PELI2: variants seen among roughly 807,000 people sequenced by gnomAD.
PELI2 encodes pellino E3 ubiquitin protein ligase family member 2.
PELI2 carries 23 observed loss-of-function variants against 42.3 expected under a neutral mutation model. The ratio of observed to expected loss-of-function variants is 0.54; its 90% confidence interval spans 0.39 to 0.77. PELI2 has a LOEUF of 0.77. Among genes scored for constraint, PELI2 ranks in the 30% least tolerant of loss-of-function variants. The pLI is 0.00. For missense variants in PELI2, 463 were observed against 553.2 expected, an observed-to-expected ratio of 0.84 and a Z score of 1.64; for synonymous variants, 245 against 212.2, an observed-to-expected ratio of 1.15 and a Z score of -1.34.
At chr14:56,169,278 T>TG (rs1405543083) in intron 1 of PELI2, among the ~76,000 whole-genome samples, 2 of 152,284 alleles carry the variant, frequency 1.3e-5, no homozygotes, top group East Asian at 3.9e-4. Flanking sequence ...ACCTAAGAGA[T>TG]GCAGTCCTTC....
At chr14:56,201,287 A>AAGATAT (rs769536693) in intron 2 of PELI2, among the ~76,000 whole-genome samples, 1 of 152,206 alleles carries the variant, frequency 6.6e-6, no homozygotes, top group African/African-American at 2.4e-5. Flanking sequence ...AGAAATGCAA[A>AAGATAT]AGATATAGAT....
In PELI2 at chr14:56,301,144, G is replaced by T. The variant is rs1215670294; in HGVS notation, c.*3978G>T. The T allele has an allele frequency of 1.3e-5, 2 of 152,566 alleles. No homozygotes were observed. Among genetic ancestry groups the T allele is most frequent in the African/African-American group, 4.8e-5 (2 of 41,414 alleles). The allele number at this position is 152,566 out of a possible 1,614,324, so 9.5% of individuals were successfully genotyped here. ...GGGATGGTCACATTTACCATGTATT[G>T]TGTTATTAGCAGTTAAATTTTATGA... On this transcript the variant is annotated 3_prime_UTR_variant, in exon 6 of 6. Transcript: ENST00000267460.
At chr14:56,294,098 C>T (rs1889923823) in intron 5 of PELI2, among the ~76,000 whole-genome samples, 1 of 152,194 alleles carries the variant, frequency 6.6e-6, no homozygotes, top group South Asian at 2.1e-4. Context: ...TGAAAGGAGT[C>T]ACAGTGTATG....
intron 1 of PELI2, among the ~76,000 whole-genome samples, chr14:56,160,305 A>C (rs982235425): frequency 3.3e-5 from 5 of 152,176 alleles, no homozygotes; most frequent in Admixed American, 6.5e-5. Context: ...TTTATGAGGC[A>C]GGAAACAGAC....
chr14:56,153,248 T>G (rs1884428038), intron 1 of PELI2, among the ~76,000 whole-genome samples: 1 of 152,238 alleles, frequency 6.6e-6, no homozygotes, highest in South Asian at 2.1e-4. Context: ...ATTGGTTTGT[T>G]ATTGGCTATA....
intron 2 of PELI2, among the ~76,000 whole-genome samples, chr14:56,232,103 C>A (rs1685807): frequency 1.3e-5 from 2 of 151,680 alleles, no homozygotes; most frequent in African/African-American, 4.8e-5. Flanking sequence ...GCTCTGAAAT[C>A]GTGGCAATAA....
At chr14:56,146,212 T>C (rs955475664) in intron 1 of PELI2, among the ~76,000 whole-genome samples, 4 of 152,116 alleles carry the variant, frequency 2.6e-5, no homozygotes, top group African/African-American at 9.7e-5. Context: ...TTTCATTTGG[T>C]CTCCTGTTGC....
chr14:56,270,658 A>G (rs1219893581), intron 2 of PELI2, among the ~76,000 whole-genome samples: 2 of 152,252 alleles, frequency 1.3e-5, no homozygotes, highest in Non-Finnish European at 2.9e-5. Context: ...ACTGCTCTAA[A>G]TACAGGTTCA....
intron 2 of PELI2, among the ~76,000 whole-genome samples, chr14:56,266,553 A>G (rs1888913777): frequency 6.6e-6 from 1 of 152,092 alleles, no homozygotes; most frequent in Admixed American, 6.6e-5. Context: ...TTCACATATC[A>G]GAAGGTAAAG....
intron 2 of PELI2, among the ~76,000 whole-genome samples, chr14:56,239,713 T>C (rs1208216090): frequency 2.6e-5 from 4 of 152,118 alleles, no homozygotes; most frequent in Admixed American, 2.6e-4. Flanking sequence ...CCAAGCCCCG[T>C]GCACTTGTGA....
intron 5 of PELI2, 21 bp from the exon 6 acceptor site, chr14:56,296,579 T>C (rs1594724507): frequency 2.6e-6 from 4 of 1,525,814 alleles, no homozygotes; most frequent in East Asian, 2.3e-5. Context: ...TTAAAAGGCA[T>C]GTGTCTCAAA....
At chr14:56,161,546 T>G (rs1174877818) in intron 1 of PELI2, among the ~76,000 whole-genome samples, 1 of 152,164 alleles carries the variant, frequency 6.6e-6, no homozygotes, top group African/African-American at 2.4e-5. Flanking sequence ...GTGCTGGGAT[T>G]ACAGGCGTGA....
intron 2 of PELI2, among the ~76,000 whole-genome samples, chr14:56,223,228 C>G (rs947522041): frequency 1.3e-5 from 2 of 152,158 alleles, no homozygotes; most frequent in African/African-American, 4.8e-5. Flanking sequence ...TTTCCTTAAC[C>G]GTAACTCCCT....
At chr14:56,281,858 G>A (rs1411897202) in intron 3 of PELI2, among the ~76,000 whole-genome samples, 2 of 152,074 alleles carry the variant, frequency 1.3e-5, no homozygotes, top group Admixed American at 1.3e-4. Flanking sequence ...AAACCACATA[G>A]AGATACCACT....
chr14:56,251,937 C>T (rs940942287), intron 2 of PELI2, among the ~76,000 whole-genome samples: 1 of 151,882 alleles, frequency 6.6e-6, no homozygotes. Flanking sequence ...ACGTATACAC[C>T]GTAATTCTTT....
intron 2 of PELI2, among the ~76,000 whole-genome samples, chr14:56,198,010 A>ACACACC (rs772024884): frequency 0.016 from 1,797 of 114,472 alleles, 33 homozygotes; most frequent in African/African-American, 0.038. Context: ...ACACACACAC[A>ACACACC]CACCCACCTC....
chr14:56,121,525 C>T (rs562553327), intron 1 of PELI2, among the ~76,000 whole-genome samples: 1 of 152,290 alleles, frequency 6.6e-6, no homozygotes, highest in South Asian at 2.1e-4. Flanking sequence ...GTTGTGTCCA[C>T]TACTTAACTG....
intron 1 of PELI2, among the ~76,000 whole-genome samples, chr14:56,153,401 TAGAGAG>T (rs1420289396): frequency 6.6e-6 from 1 of 152,130 alleles, no homozygotes; most frequent in African/African-American, 2.4e-5. Context: ...CCTGTTCAGC[TAGAGAG>T]AAAGTAGCAA....
Position 56,279,882 on chromosome 14 carries a change from G to A in PELI2, c.309+105G>A, listed in dbSNP as rs1889419075. The stretch of plus-strand genomic sequence containing the variant: ...AGCCCAGTATGTCCAGGGGGAAAGA[G>A]TTGAAGATAATATAAAAATTATTCC... On this transcript the variant is annotated intron_variant, in intron 3 of 5. Coordinates refer to ENST00000267460, the MANE Select transcript of PELI2 (RefSeq NM_021255.3). The A allele has an allele frequency of 3.4e-5, 16 of 473,698 alleles. No individual in the cohort carries two copies. The East Asian group carries it at 4.7e-4, about 14-fold the overall frequency. 29.3% of individuals were successfully genotyped at this position (473,698 alleles called of 1,614,324 possible). A position where few individuals can be genotyped will look rare whatever the true frequency, so the allele number is the denominator to read the frequency against.
Sources: gnomAD v4.1 joint callset for allele counts (sites outside exome capture counted in the v4.1 genomes callset) on GRCh38, gnomAD v4.1.1 for gene constraint, MANE v1.5 for transcripts, NCBI Gene and HGNC (gene_info 2026-07-23, HGNC 2026-07-21) for gene names.